The following NRG3 variants were observed in gnomAD, a reference collection of about 807,000 sequenced individuals.
The protein encoded by NRG3 is neuregulin 3.
NRG3 carries 31 observed loss-of-function variants against 66.9 expected under a neutral mutation model. The observed-to-expected ratio is 0.46, with a 90% confidence interval of 0.35 to 0.63. NRG3 has a LOEUF of 0.63. NRG3 is among the 20% of genes least tolerant of loss of function. NRG3 has a pLI of 0.00. For missense variants in NRG3, 910 were observed against 878.9 expected (o/e 1.04, Z -0.45); for synonymous variants, 393 against 359.4 (o/e 1.09, Z -1.06).
At chr10:82,434,000 T>C (rs1351844032) in intron 2 of NRG3, among the ~76,000 whole-genome samples, 1 of 152,138 alleles carries the variant, frequency 6.6e-6, no homozygotes, top group Non-Finnish European at 1.5e-5. Flanking sequence ...TCAATGGTAG[T>C]TTGATGGGAA....
intron 1 of NRG3, among the ~76,000 whole-genome samples, chr10:82,324,213 T>C (rs1326153965): frequency 6.6e-6 from 1 of 152,128 alleles, no homozygotes; most frequent in African/African-American, 2.4e-5. Context: ...TGACATAAAT[T>C]TGTTCCATAT....
chr10:82,017,304 T>C (rs539778001), intron 1 of NRG3, among the ~76,000 whole-genome samples: 1 of 152,238 alleles, frequency 6.6e-6, no homozygotes, highest in Non-Finnish European at 1.5e-5. Flanking sequence ...ATGGTGTATA[T>C]GTGCCACATT....
chr10:82,761,804 A>C (rs1023755231), intron 3 of NRG3, among the ~76,000 whole-genome samples: 1 of 151,798 alleles, frequency 6.6e-6, no homozygotes, highest in East Asian at 1.9e-4. Context: ...TAAAAAAATT[A>C]AGTTAAAATT....
intron 3 of NRG3, among the ~76,000 whole-genome samples, chr10:82,764,022 A>C (rs1242615458): frequency 1.3e-5 from 2 of 152,124 alleles, no homozygotes; most frequent in African/African-American, 2.4e-5. Context: ...TGGCTTGCAT[A>C]TGACTCACAT....
chr10:82,276,931 A>G (rs1209160265), intron 1 of NRG3, among the ~76,000 whole-genome samples: 2 of 152,056 alleles, frequency 1.3e-5, no homozygotes, highest in Non-Finnish European at 2.9e-5. Context: ...GTTAAATTTT[A>G]AACTGTTTTA....
chr10:82,112,280 C>T (rs529974630), intron 1 of NRG3, among the ~76,000 whole-genome samples: 1 of 152,160 alleles, frequency 6.6e-6, no homozygotes, highest in South Asian at 2.1e-4. Context: ...ACCTTGCCTA[C>T]CCTTTCTGTT....
intron 1 of NRG3, among the ~76,000 whole-genome samples, chr10:82,180,277 A>G (rs2073325103): frequency 6.6e-6 from 1 of 151,898 alleles, no homozygotes; most frequent in Admixed American, 6.6e-5. Flanking sequence ...CTTCAGTACA[A>G]TATTGAATAG....
intron 1 of NRG3, among the ~76,000 whole-genome samples, chr10:82,321,264 G>GT (rs1460384986): frequency 6.7e-6 from 1 of 148,682 alleles, no homozygotes; most frequent in East Asian, 2.1e-4. Context: ...GGCTGAACAG[G>GT]TAAGCCACAC....
chr10:82,081,518 A>G (rs2065392678), intron 1 of NRG3, among the ~76,000 whole-genome samples: 1 of 152,160 alleles, frequency 6.6e-6, no homozygotes, highest in Admixed American at 6.5e-5. Context: ...ATGATAGATG[A>G]TAGATTATAG....
chr10:82,720,573 C>T (rs2057235575), intron 2 of NRG3, among the ~76,000 whole-genome samples: 1 of 151,860 alleles, frequency 6.6e-6, no homozygotes, highest in Non-Finnish European at 1.5e-5. Flanking sequence ...GTTGATTCAA[C>T]TTCAATCTCT....
intron 2 of NRG3, among the ~76,000 whole-genome samples, chr10:82,516,568 G>A (rs1845683587): frequency 1.3e-5 from 2 of 152,074 alleles, no homozygotes; most frequent in South Asian, 4.1e-4. Context: ...CCTCAATGCA[G>A]GTTGCAAAAA....
chr10:82,646,926 G>C lies in NRG3; in HGVS notation c.954-91651G>C, dbSNP rs575510180. 1.0e-3 allele frequency among the ~76,000 whole-genome samples: 157 copies of C among 151,496 alleles called. 1 individual carries two copies. The highest frequency in any genetic ancestry group is 3.6e-3 in the African/African-American group (149 of 41,302). ...TCCCACAGGGACTGAGAGAGAAAGA[G>C]ATAACTTTTTAAACTTTTGCATTTC... On this transcript the variant is annotated intron_variant, in intron 2 of 8. Transcript: ENST00000372141.
At chr10:82,595,342 C>T (rs1430708252) in intron 2 of NRG3, among the ~76,000 whole-genome samples, 2 of 152,114 alleles carry the variant, frequency 1.3e-5, no homozygotes, top group Non-Finnish European at 2.9e-5. Flanking sequence ...GTTTATTAAC[C>T]TCTGTTACCC....
At chr10:81,889,696 A>G (rs1293991932) in intron 1 of NRG3, 2 of 152,204 alleles carry the variant, frequency 1.3e-5, no homozygotes, top group Non-Finnish European at 1.5e-5. Context: ...CATTTATAAT[A>G]CATCAGCTGA....
At chr10:82,663,097 C>T (rs2052493305) in intron 2 of NRG3, among the ~76,000 whole-genome samples, 1 of 152,108 alleles carries the variant, frequency 6.6e-6, no homozygotes, top group African/African-American at 2.4e-5. Flanking sequence ...AGAATAATAT[C>T]GGATAGGTAA....
At chr10:82,454,814 G>T (rs866799219) in intron 2 of NRG3, among the ~76,000 whole-genome samples, 1 of 152,296 alleles carries the variant, frequency 6.6e-6, no homozygotes, top group Middle Eastern at 3.4e-3. Flanking sequence ...GTATATTTGG[G>T]AAGTTAACTG....
chr10:81,934,146 A>G (rs1005212989), intron 1 of NRG3, among the ~76,000 whole-genome samples: 2 of 152,242 alleles, frequency 1.3e-5, no homozygotes, highest in African/African-American at 4.8e-5. Flanking sequence ...ACTAATAACC[A>G]GGTTCAATGA....
intron 1 of NRG3, among the ~76,000 whole-genome samples, chr10:82,222,758 G>A (rs988268773): frequency 6.6e-6 from 1 of 152,020 alleles, no homozygotes; most frequent in Admixed American, 6.6e-5. Context: ...TGAATTCTAG[G>A]TAGACTTAAG....
intron 2 of NRG3, among the ~76,000 whole-genome samples, chr10:82,438,584 A>G (rs2090268289): frequency 6.6e-6 from 1 of 152,210 alleles, no homozygotes. Context: ...CCAGGAAGTC[A>G]TTAGGATTAA....
Sources: allele counts gnomAD v4.1 joint callset (sites outside exome capture counted in the v4.1 genomes callset), GRCh38; gene constraint gnomAD v4.1.1; transcripts MANE v1.5; gene names NCBI Gene and HGNC (gene_info 2026-07-23, HGNC 2026-07-21).